The following CABIN1 variants were observed in gnomAD, a reference collection of about 807,000 sequenced individuals.
CABIN1 encodes calcineurin-binding protein cabin-1.
Under a neutral mutation model 227.7 loss-of-function variants are expected in CABIN1, and 133 were observed. That is an observed-to-expected ratio of 0.58 (90% CI 0.51 to 0.67). The LOEUF (loss-of-function observed/expected upper bound fraction) is 0.67, where lower values mean the gene tolerates loss of function less well. CABIN1 is among the 30% of genes least tolerant of loss of function. The pLI, the probability that CABIN1 is intolerant of heterozygous loss-of-function variation, is 0.00. For synonymous variants in CABIN1, 1,086 were observed against 1,155.1 expected (o/e 0.94, Z 1.21); for missense variants, 2,408 against 2,852.5 (o/e 0.84, Z 3.55).
chr22:24,071,671 G>A (rs1003612925), intron 17 of CABIN1, among the ~76,000 whole-genome samples: 13 of 152,260 alleles, frequency 8.5e-5, no homozygotes, highest in East Asian at 1.9e-4. Context: ...CGCTCCAGCC[G>A]CTTTCCAGCC....
chr22:24,049,325 T>A lies in CABIN1; in HGVS notation c.656+105T>A, dbSNP rs145888671. On this transcript the variant is annotated intron_variant, in intron 7 of 36. Coordinates refer to ENST00000263119, the MANE Select transcript of CABIN1 (RefSeq NM_012295.4). ...CCTCAGGTCCCATGGATGGAGCCCC[T>A]GTGCTCTGGGGCTTCATGCCCTGCC... is the stretch of plus-strand genomic sequence containing the variant. 2,845 of 1,390,526 alleles carry A rather than the reference T, an allele frequency of 2.0e-3. 44 individuals carry two copies. In the African/African-American group the frequency reaches 0.034, roughly 16 times the overall value. 86.1% of individuals were successfully genotyped at this position (1,390,526 alleles called of 1,614,324 possible). A position where few individuals can be genotyped will look rare whatever the true frequency, so the allele number is the denominator to read the frequency against.
intron 28 of CABIN1, among the ~76,000 whole-genome samples, chr22:24,128,331 A>G (rs2043863678): frequency 6.6e-6 from 1 of 152,098 alleles, no homozygotes; most frequent in Non-Finnish European, 1.5e-5. Flanking sequence ...CTTTTACACT[A>G]ACTCCTTAAT....
At chr22:24,163,754 G>A (rs2046290984) in intron 29 of CABIN1, among the ~76,000 whole-genome samples, 1 of 152,242 alleles carries the variant, frequency 6.6e-6, no homozygotes, top group Non-Finnish European at 1.5e-5. Flanking sequence ...TGGAGCTAGT[G>A]ATAGGTAGGG....
At chr22:24,176,390 G>A in intron 35 of CABIN1, 115 bp downstream of exon 35, 2 of 1,164,098 alleles carry the variant, frequency 1.7e-6, no homozygotes, top group Non-Finnish European at 2.5e-6. Flanking sequence ...GATGCCCCAT[G>A]GAATGAGATG....
intron 1 of CABIN1, among the ~76,000 whole-genome samples, chr22:24,028,296 ATAAAG>A (rs1287417584): frequency 6.6e-6 from 1 of 152,236 alleles, no homozygotes; most frequent in Non-Finnish European, 1.5e-5. Context: ...GTGAAGCTCA[ATAAAG>A]TAAAGCACAG....
At chr22:24,042,873 TG>T in intron 5 of CABIN1, 30 bp from the exon 6 acceptor site, 1 of 1,418,634 alleles carries the variant, frequency 7.0e-7, no homozygotes, top group Non-Finnish European at 9.8e-7. Context: ...TGTGTGTGTG[TG>T]TGTTTGCCCT....
chr22:24,089,300 A>G (rs1049708387), intron 23 of CABIN1, among the ~76,000 whole-genome samples: 2 of 152,218 alleles, frequency 1.3e-5, no homozygotes, highest in East Asian at 1.9e-4. Flanking sequence ...GGGAGTGGGT[A>G]AGGAGACTGA....
chr22:24,079,372 G>A (rs923558489), intron 19 of CABIN1, among the ~76,000 whole-genome samples: 2 of 152,030 alleles, frequency 1.3e-5, no homozygotes, highest in Non-Finnish European at 2.9e-5. Flanking sequence ...TCCACCAAGA[G>A]GTTGTTTTAT....
chr22:24,075,615 C>T (rs900232475), intron 18 of CABIN1, among the ~76,000 whole-genome samples: 3 of 151,886 alleles, frequency 2.0e-5, no homozygotes, highest in African/African-American at 7.3e-5. Flanking sequence ...TGTGGTAGCT[C>T]GCGCCTGTAG....
chr22:24,035,494 T>C lies in CABIN1; in HGVS notation c.-24T>C, dbSNP rs1164456888. 6.2e-7 allele frequency: 1 copy of C among 1,614,080 alleles called. No homozygotes were observed. The highest frequency in any genetic ancestry group is 1.3e-5 in the African/African-American group (1 of 74,946). On this transcript the variant is annotated 5_prime_UTR_variant, in exon 2 of 37. Transcript: ENST00000263119. The stretch of plus-strand genomic sequence containing the variant: ...TGCCAGTGATGAGAAGTGATGCTCG[T>C]GGCAGTGCTGAATCTCTCTGAATAT...
At chr22:24,053,083 T>C (rs1601806631) in intron 8 of CABIN1, among the ~76,000 whole-genome samples, 1 of 146,540 alleles carries the variant, frequency 6.8e-6, no homozygotes, top group Middle Eastern at 3.4e-3. Context: ...TTTTTCTTTT[T>C]TTTTTTTTTT....
In CABIN1 at chr22:24,021,742, G is replaced by T. The variant is rs186956740; in HGVS notation, c.-75+10375G>T. On this transcript the variant is annotated intron_variant, in intron 1 of 36. Transcript: ENST00000263119. Reference sequence around the variant, plus strand: ...TGTTTTGGAGACAGAGCCTCACTCTGTTGCCCCAGGCTGGAGTGCAGTGGC... The same window carrying T: ...TGTTTTGGAGACAGAGCCTCACTCTTTTGCCCCAGGCTGGAGTGCAGTGGC... 5.3e-5 allele frequency among the ~76,000 whole-genome samples: 8 copies of T among 152,218 alleles called. No homozygotes were observed. The East Asian group carries it at 1.2e-3, about 22-fold the overall frequency.
At chr22:24,124,349 A>G (rs1351564459) in intron 28 of CABIN1, among the ~76,000 whole-genome samples, 4 of 152,174 alleles carry the variant, frequency 2.6e-5, no homozygotes, top group Non-Finnish European at 5.9e-5. Context: ...CTCCTCTGCC[A>G]GGCCCTCTGA....
intron 32 of CABIN1, 157 bp from the exon 33 acceptor site, chr22:24,168,287 GGAC>G (rs2046574228): frequency 3.5e-5 from 6 of 171,998 alleles, no homozygotes; most frequent in Non-Finnish European, 7.0e-5. Context: ...ACAGCAGTGG[GGAC>G]GGCTGGCTAT....
At position 24,064,242 on chromosome 22, in the gene CABIN1, G is replaced by A. The variant is rs188705898; in HGVS notation, c.2037+55G>A. 5.0e-5 allele frequency: 80 copies of A among 1,595,378 alleles called. No individual in the cohort carries two copies. The African/African-American group carries it at 9.5e-4, about 19-fold the overall frequency. ...TTTCCTGAGATGGAGTTTCACTTTT[G>A]TCGCCTAGGCTGGAGTGTAATAGTG... On this transcript the variant is annotated intron_variant, in intron 15 of 36. Transcript: ENST00000263119.
In CABIN1 at chr22:24,055,071, C is replaced by T. The variant is rs774566464; in HGVS notation, c.1005C>T (p.Val335=). The change falls in exon 9 of 37, where the codon GTC becomes GTT. Residue 335 remains valine (V), a synonymous_variant. Coordinates refer to ENST00000263119, the MANE Select transcript of CABIN1 (RefSeq NM_012295.4). The part of the protein sequence containing the change: ...STVSTNPAVA[V]AEPVVSYTSV... The stretch of plus-strand genomic sequence containing the variant: ...TCAGCACCAACCCAGCTGTGGCTGT[C>T]GCCGAGCCTGTGGTCTCCTACACCT... 11 of 1,614,118 alleles carry T rather than the reference C, an allele frequency of 6.8e-6. No individual in the cohort carries two copies. Among genetic ancestry groups the T allele is most frequent in the African/African-American group, 4.0e-5 (3 of 74,944 alleles).
chr22:24,156,183 C>T (rs538539842), intron 29 of CABIN1: 100 of 391,344 alleles, frequency 2.6e-4, no homozygotes, highest in African/African-American at 1.9e-3. Context: ...CTCCACTTTG[C>T]TGGCGCTTTT....
chr22:24,100,269 A>G (rs1466266405), intron 26 of CABIN1, among the ~76,000 whole-genome samples: 4 of 152,346 alleles, frequency 2.6e-5, no homozygotes, highest in East Asian at 1.9e-4. Flanking sequence ...GCCTGGCTGC[A>G]TAATGCTTTC....
At position 24,177,369 on chromosome 22, in the gene CABIN1, C is replaced by A; in HGVS notation, c.6206-135C>A. 1 of 785,868 alleles carries A rather than the reference C, an allele frequency of 1.3e-6. No homozygotes were observed. The highest frequency in any genetic ancestry group is 2.0e-6 in the Non-Finnish European group (1 of 499,560). 48.7% of individuals were successfully genotyped at this position (785,868 alleles called of 1,614,324 possible). On this transcript the variant is annotated intron_variant, in intron 35 of 36. Transcript: ENST00000263119. The surrounding 1 kb of genome is among the most constrained non-coding windows in gnomAD (Gnocchi z 4.4). ...GCCAAGTATTTGCCCAGGGTAGAAG[C>A]CTTGGAGCCTGCCAGCCAGCACAAA...
Sources: allele counts gnomAD v4.1 joint callset (sites outside exome capture counted in the v4.1 genomes callset), GRCh38; gene constraint gnomAD v4.1.1; non-coding constraint Gnocchi (gnomAD v3.1); transcripts MANE v1.5; gene names NCBI Gene and HGNC (gene_info 2026-07-23, HGNC 2026-07-21).